Variants in HECW1 observed in about 807,000 individuals in gnomAD.
HECW1 encodes the protein HECT, C2 and WW domain containing E3 ubiquitin protein ligase 1, also known as E3 ubiquitin-protein ligase HECW1.
In HECW1, 61 loss-of-function variants were observed where a neutral mutation model predicts 182.3. That is an observed-to-expected ratio of 0.33 (90% CI 0.27 to 0.41). The LOEUF is 0.41. Ranked by LOEUF, HECW1 falls within the 10% of genes least tolerant of loss-of-function variation. The probability of loss-of-function intolerance (pLI) is 1.00; values close to 1 mark genes in which losing one functional copy is unlikely to be tolerated. For missense variants in HECW1, 1,739 were observed against 2,108.9 expected (o/e 0.82, Z 3.44); for synonymous variants, 859 against 832.6 (o/e 1.03, Z -0.55).
At chr7:43,141,779 T>G (rs1403725479) in intron 2 of HECW1, among the ~76,000 whole-genome samples, 1 of 152,174 alleles carries the variant, frequency 6.6e-6, no homozygotes, top group African/African-American at 2.4e-5. Flanking sequence ...ATTACAGGTG[T>G]GAACCACCGC....
In HECW1 at chr7:43,469,026, T is replaced by C; in HGVS notation, c.3020T>C (p.Val1007Ala). Reference protein sequence around the residue: ...FERYQHNRDLVNFINMFADTR... With the variant: ...FERYQHNRDLANFINMFADTR... ...CGCTACCAGCACAACCGGGACTTGG[T>C]GAATTTCATCAACATGTTCGCAGAC... Residue 1007 changes from valine to alanine, a missense_variant, in exon 16 of 30, where the codon GTG becomes GCG. Physicochemically the swap from Val to Ala is moderately conservative, Grantham distance 64. This residue lies in a region of HECW1 where 971 missense variants were observed against 1,029.1 expected (regional missense o/e 0.94). Transcript: ENST00000395891. 1 of 1,614,146 alleles carries C rather than the reference T, an allele frequency of 6.2e-7. No homozygotes were observed.
intron 2 of HECW1, among the ~76,000 whole-genome samples, chr7:43,231,107 A>C (rs1225914655): frequency 2.6e-5 from 4 of 152,172 alleles, no homozygotes; most frequent in Non-Finnish European, 5.9e-5. Flanking sequence ...AAGTAGATAG[A>C]ATTCTAATTC....
intron 8 of HECW1, among the ~76,000 whole-genome samples, chr7:43,431,386 C>T (rs1418891754): frequency 1.3e-5 from 2 of 152,190 alleles, no homozygotes; most frequent in African/African-American, 2.4e-5. Flanking sequence ...CACATGCCCT[C>T]AATCTTGGGA....
At chr7:43,119,877 G>A (rs1015900993) in intron 2 of HECW1, among the ~76,000 whole-genome samples, 53 of 152,114 alleles carry the variant, frequency 3.5e-4, no homozygotes, top group African/African-American at 1.2e-3. Flanking sequence ...CCGTCTAAGC[G>A]CTAGTAAGCT....
intron 17 of HECW1, among the ~76,000 whole-genome samples, chr7:43,482,798 G>T (rs947210550): frequency 3.9e-5 from 6 of 152,156 alleles, no homozygotes; most frequent in Admixed American, 3.9e-4. Flanking sequence ...CCAGCTTCTC[G>T]GGAGGCTGAA....
At position 43,359,494 on chromosome 7, in the gene HECW1, G is replaced by A. The variant is rs190698931; in HGVS notation, c.461-1392G>A. Among the ~76,000 whole-genome samples, 25 of 152,326 alleles carry A rather than the reference G, an allele frequency of 1.6e-4. 1 individual carries two copies. Among genetic ancestry groups the A allele is most frequent in the Non-Finnish European group, 3.4e-4 (23 of 68,020 alleles). On this transcript the variant is annotated intron_variant, in intron 5 of 29. Coordinates refer to ENST00000395891, the MANE Select transcript of HECW1 (RefSeq NM_015052.5). ...TCCAAATATAGGAAATATTTGCAAT[G>A]TGTAAATCTATTCAGTTGTTCTGTA...
At chr7:43,418,857 G>A (rs1331247365) in intron 8 of HECW1, among the ~76,000 whole-genome samples, 1 of 152,152 alleles carries the variant, frequency 6.6e-6, no homozygotes, top group African/African-American at 2.4e-5. Context: ...CATTCTGGAT[G>A]ATGTCTCGAG....
chr7:43,437,027 G>A (rs946772051), intron 8 of HECW1, among the ~76,000 whole-genome samples: 4 of 152,122 alleles, frequency 2.6e-5, no homozygotes, highest in South Asian at 2.1e-4. Context: ...CACCATAACC[G>A]GCTAACAAAT....
Position 43,151,980 on chromosome 7 carries a change from A to G in HECW1, c.-32+37589A>G, listed in dbSNP as rs373390212. On this transcript the variant is annotated intron_variant, in intron 2 of 29. Transcript: ENST00000395891. ...TTTCATGAGTAAAGACATAAATTCT[A>G]TAGATCTCTAAACTAAAAAAAAGAT... Among the ~76,000 whole-genome samples, 97 of 152,318 alleles carry G rather than the reference A, an allele frequency of 6.4e-4. No individual in the cohort carries two copies. The East Asian group carries it at 0.016, about 25-fold the overall frequency.
intron 2 of HECW1, among the ~76,000 whole-genome samples, chr7:43,122,189 A>G (rs1374677203): frequency 6.6e-6 from 1 of 152,230 alleles, no homozygotes; most frequent in Non-Finnish European, 1.5e-5. Context: ...AAATGAGCAA[A>G]GCCGAGGACT....
rs1174353354 is a variant in HECW1 at position 43,432,199 on chromosome 7, G to A, written c.802-5804G>A. 6.7e-6 allele frequency among the ~76,000 whole-genome samples: 1 copy of A among 149,308 alleles called. No individual in the cohort carries two copies. Among genetic ancestry groups the A allele is most frequent in the Non-Finnish European group, 1.5e-5 (1 of 67,524 alleles). On this transcript the variant is annotated intron_variant, in intron 8 of 29. Coordinates refer to ENST00000395891, the MANE Select transcript of HECW1 (RefSeq NM_015052.5). The surrounding 1 kb of genome is among the most constrained non-coding windows in gnomAD (Gnocchi z 4.1). ...CTGTCGCCCGGGCTGGAGTGCAGTG[G>A]CGGGATCTCGGCTCACTGCAAGCTC...
chr7:43,457,683 G>A (rs2077448005), intron 13 of HECW1, among the ~76,000 whole-genome samples: 1 of 151,588 alleles, frequency 6.6e-6, no homozygotes, highest in Non-Finnish European at 1.5e-5. Flanking sequence ...GCTGAGGCAG[G>A]AGAATCGCTT....
chr7:43,365,964 A>T (rs1816592637), intron 6 of HECW1, among the ~76,000 whole-genome samples: 1 of 152,140 alleles, frequency 6.6e-6, no homozygotes, highest in Non-Finnish European at 1.5e-5. Flanking sequence ...ATTAGCCAGC[A>T]TGGTGGTGCA....
At chr7:43,151,264 GA>G (rs1789294013) in intron 2 of HECW1, among the ~76,000 whole-genome samples, 1 of 152,144 alleles carries the variant, frequency 6.6e-6, no homozygotes, top group African/African-American at 2.4e-5. Flanking sequence ...GATCTCATAA[GA>G]TTATTTTTGG....
chr7:43,405,982 A>G (rs948469602), intron 7 of HECW1, among the ~76,000 whole-genome samples: 1 of 152,056 alleles, frequency 6.6e-6, no homozygotes, highest in African/African-American at 2.4e-5. Flanking sequence ...TTGACTTCTG[A>G]TCACCCCCCA....
chr7:43,309,111 G>A (rs1277734121), intron 3 of HECW1, among the ~76,000 whole-genome samples: 2 of 152,202 alleles, frequency 1.3e-5, no homozygotes, highest in Non-Finnish European at 1.5e-5. Context: ...ACTAGCAACA[G>A]TACCTAAGAA....
At position 43,383,377 on chromosome 7, in the gene HECW1, G is replaced by A. The variant is rs189561411; in HGVS notation, c.556-13437G>A. 2.6e-3 allele frequency among the ~76,000 whole-genome samples: 399 copies of A among 152,290 alleles called. 1 individual carries two copies. The highest frequency in any genetic ancestry group is 9.3e-3 in the African/African-American group (386 of 41,568). ...TGCCACACTGTCTTCCACAATGGTT[G>A]AACTAATTTACACTCCCACCAATAG... On this transcript the variant is annotated intron_variant, in intron 6 of 29. Coordinates refer to ENST00000395891, the MANE Select transcript of HECW1 (RefSeq NM_015052.5).
At chr7:43,483,547 CTTTTTTT>C (rs549214390) in intron 17 of HECW1, among the ~76,000 whole-genome samples, 12 of 119,038 alleles carry the variant, frequency 1.0e-4, no homozygotes, top group African/African-American at 3.7e-4. Flanking sequence ...CATGCAAACT[CTTTTTTT>C]TTTTTTTTTT....
intron 2 of HECW1, among the ~76,000 whole-genome samples, chr7:43,199,069 C>T (rs927587270): frequency 3.9e-5 from 6 of 152,226 alleles, no homozygotes; most frequent in African/African-American, 7.2e-5. Context: ...TGCCTCCACA[C>T]GGAGAACCCT....
Sources: gnomAD v4.1 joint callset for allele counts (sites outside exome capture counted in the v4.1 genomes callset) on GRCh38, gnomAD v4.1.1 for gene constraint, gnomAD v4.1.1 regional missense constraint, Gnocchi (gnomAD v3.1) non-coding constraint, MANE v1.5 for transcripts, NCBI Gene and HGNC (gene_info 2026-07-23, HGNC 2026-07-21) for gene names.